DNAJC15: variants seen among roughly 807,000 people sequenced by gnomAD.
The protein encoded by DNAJC15 is DnaJ heat shock protein family (Hsp40) member C15, also known as dnaJ homolog subfamily C member 15.
Under a neutral mutation model 22.4 loss-of-function variants are expected in DNAJC15, and 27 were observed. That is an observed-to-expected ratio of 1.20 (90% CI 0.89 to 1.66). The LOEUF is 1.66. DNAJC15 is among the 40% of genes most tolerant of loss of function. The pLI is 0.00. For missense variants in DNAJC15, 208 were observed against 187.1 expected (o/e 1.11, Z -0.65); for synonymous variants, 79 against 63.2 (o/e 1.25, Z -1.19).
intron 3 of DNAJC15, among the ~76,000 whole-genome samples, 162 bp downstream of exon 3, chr13:43,069,165 TTTTAAGTTA>T (rs1411539824): frequency 2.6e-5 from 4 of 152,244 alleles, no homozygotes; most frequent in African/African-American, 9.6e-5. Context: ...GCTCAGTTTC[TTTTAAGTTA>T]TTGGTCACAT....
intron 1 of DNAJC15, among the ~76,000 whole-genome samples, chr13:43,056,804 GT>G (rs1217618761): frequency 6.6e-6 from 1 of 152,098 alleles, no homozygotes; most frequent in Non-Finnish European, 1.5e-5. Context: ...TTTGAAGTCT[GT>G]TTTGTCTGTT....
intron 2 of DNAJC15, among the ~76,000 whole-genome samples, chr13:43,066,509 T>A (rs2040584699): frequency 6.6e-6 from 1 of 152,236 alleles, no homozygotes; most frequent in Non-Finnish European, 1.5e-5. Flanking sequence ...CATCTCAAGA[T>A]CCTGAACCTA....
intron 3 of DNAJC15, among the ~76,000 whole-genome samples, chr13:43,072,580 C>T (rs1247751003): frequency 1.3e-5 from 2 of 149,144 alleles, no homozygotes; most frequent in Non-Finnish European, 3.0e-5. Flanking sequence ...TTCACATCAG[C>T]ATTTTTTTTT....
rs561310863 is a variant in DNAJC15, at chr13:43,073,852, C to A, written c.235-4760C>A. ...GCTCTTTTGAACAAGTGCCCTTTTG[C>A]TTGTTTTTTTGTTTTTTTTTTAAAT... On this transcript the variant is annotated intron_variant, in intron 3 of 5. Coordinates refer to ENST00000379221, the MANE Select transcript of DNAJC15 (RefSeq NM_013238.3). 4.0e-5 allele frequency among the ~76,000 whole-genome samples: 6 copies of A among 150,586 alleles called. No homozygotes were observed. In the South Asian group the frequency reaches 1.3e-3, roughly 32 times the overall value.
At position 43,041,899 on chromosome 13, in the gene DNAJC15, G is replaced by A. The variant is rs116452878; in HGVS notation, c.108+18165G>A. 2.8e-3 allele frequency among the ~76,000 whole-genome samples: 433 copies of A among 152,346 alleles called. 2 individuals are homozygous for A. Among genetic ancestry groups the A allele is most frequent in the African/African-American group, 1.0e-2 (415 of 41,586 alleles). On this transcript the variant is annotated intron_variant, in intron 1 of 5. Coordinates refer to ENST00000379221, the MANE Select transcript of DNAJC15 (RefSeq NM_013238.3). ...CTTCTAGAGGTTCATAGCATGGTGA[G>A]GGAGGGAAGTTTTGAAGTGTGGCCT...
At chr13:43,030,845 A>G (rs1382271428) in intron 1 of DNAJC15, among the ~76,000 whole-genome samples, 1 of 152,214 alleles carries the variant, frequency 6.6e-6, no homozygotes, top group Non-Finnish European at 1.5e-5. Flanking sequence ...TTTCAAGGGT[A>G]AGGGAATGAA....
intron 4 of DNAJC15, among the ~76,000 whole-genome samples, chr13:43,079,159 A>G (rs1480787387): frequency 6.6e-6 from 1 of 152,156 alleles, no homozygotes; most frequent in Non-Finnish European, 1.5e-5. Context: ...AAAATTAATG[A>G]TATTATATAA....
intron 1 of DNAJC15, among the ~76,000 whole-genome samples, chr13:43,039,252 T>A (rs1482669282): frequency 6.6e-6 from 1 of 152,228 alleles, no homozygotes; most frequent in Admixed American, 6.5e-5. Context: ...ATGTTCTCTG[T>A]CATTTTTTTC....
chr13:43,055,074 T>TG (rs1270106089), intron 1 of DNAJC15, among the ~76,000 whole-genome samples: 1 of 37,504 alleles, frequency 2.7e-5, no homozygotes, highest in South Asian at 8.6e-4. Flanking sequence ...AAAGTGGACT[T>TG]GGGGAGGTGG....
At chr13:43,040,561 C>T (rs2040448632) in intron 1 of DNAJC15, among the ~76,000 whole-genome samples, 1 of 152,088 alleles carries the variant, frequency 6.6e-6, no homozygotes, top group Non-Finnish European at 1.5e-5. Context: ...GTGGTTTGCC[C>T]CTCCACACCT....
chr13:43,041,346 A>G (rs2040452904), intron 1 of DNAJC15, among the ~76,000 whole-genome samples: 1 of 152,240 alleles, frequency 6.6e-6, no homozygotes, highest in African/African-American at 2.4e-5. Context: ...CTGAGTTGAC[A>G]CAGCACATGT....
intron 1 of DNAJC15, among the ~76,000 whole-genome samples, chr13:43,051,586 C>T (rs1566204509): frequency 6.6e-6 from 1 of 152,028 alleles, no homozygotes; most frequent in Non-Finnish European, 1.5e-5. Context: ...ATCCAGGTTG[C>T]TGCAAATGCC....
intron 5 of DNAJC15, among the ~76,000 whole-genome samples, chr13:43,092,108 T>C (rs767590631): frequency 3.3e-5 from 5 of 152,178 alleles, no homozygotes; most frequent in African/African-American, 4.8e-5. Flanking sequence ...CCTACAGTGA[T>C]TGTGGATTTG....
intron 1 of DNAJC15, among the ~76,000 whole-genome samples, chr13:43,047,152 G>A (rs947097127): frequency 6.6e-6 from 1 of 152,022 alleles, no homozygotes; most frequent in Non-Finnish European, 1.5e-5. Context: ...CCGTAACAGT[G>A]GTAAAGTTTC....
intron 1 of DNAJC15, among the ~76,000 whole-genome samples, chr13:43,063,226 T>G (rs1365930618): frequency 1.3e-5 from 2 of 152,192 alleles, no homozygotes; most frequent in Non-Finnish European, 2.9e-5. Context: ...GCAAGGCTGG[T>G]CTTGAAATTC....
intron 1 of DNAJC15, among the ~76,000 whole-genome samples, chr13:43,048,041 C>T (rs2040485615): frequency 6.6e-6 from 1 of 152,158 alleles, no homozygotes; most frequent in African/African-American, 2.4e-5. Context: ...GACAATTTGC[C>T]ATCTGTTGCT....
chr13:43,033,154 C>A (rs1310088809), intron 1 of DNAJC15, among the ~76,000 whole-genome samples: 6 of 152,220 alleles, frequency 3.9e-5, no homozygotes, highest in Non-Finnish European at 1.5e-5. Flanking sequence ...TCCCACCAGG[C>A]CCCACCTCCC....
At chr13:43,039,156 C>T (rs567791889) in intron 1 of DNAJC15, among the ~76,000 whole-genome samples, 2 of 152,232 alleles carry the variant, frequency 1.3e-5, no homozygotes, top group East Asian at 3.9e-4. Flanking sequence ...GGGCTCTAGT[C>T]CAGTGTAGAA....
intron 1 of DNAJC15, among the ~76,000 whole-genome samples, chr13:43,063,322 A>G (rs951359316): frequency 4.6e-5 from 7 of 152,204 alleles, no homozygotes; most frequent in African/African-American, 1.4e-4. Flanking sequence ...TATTGATAGT[A>G]TTAAAAGCAG....
Sources: allele counts gnomAD v4.1 joint callset (sites outside exome capture counted in the v4.1 genomes callset), GRCh38; gene constraint gnomAD v4.1.1; transcripts MANE v1.5; gene names NCBI Gene and HGNC (gene_info 2026-07-23, HGNC 2026-07-21).